DENND2C: variants seen among roughly 807,000 people sequenced by gnomAD.
DENND2C encodes the protein DENN domain-containing protein 2C.
Under a neutral mutation model 112.4 loss-of-function variants are expected in DENND2C, and 72 were observed. The ratio of observed to expected loss-of-function variants is 0.64; its 90% CI spans 0.53 to 0.78. The LOEUF (loss-of-function observed/expected upper bound fraction) is 0.78. DENND2C is among the 30% of genes least tolerant of loss of function. DENND2C has a pLI of 0.00. For missense variants in DENND2C, 992 were observed against 1,113.8 expected, an observed-to-expected ratio of 0.89 and a Z score of 1.56; for synonymous variants, 329 against 381.6, an observed-to-expected ratio of 0.86 and a Z score of 1.61.
chr1:114,628,686 T>TG (rs1160220810), intron 3 of DENND2C, among the ~76,000 whole-genome samples: 1 of 152,268 alleles, frequency 6.6e-6, no homozygotes, highest in African/African-American at 2.4e-5. Flanking sequence ...ATACAGGTTG[T>TG]GATTTTGTCC....
intron 8 of DENND2C, among the ~76,000 whole-genome samples, chr1:114,613,053 C>G (rs1050116127): frequency 1.3e-5 from 2 of 152,174 alleles, no homozygotes; most frequent in Non-Finnish European, 2.9e-5. Context: ...GTAAAAGATG[C>G]ATTTGCAGCA....
intron 3 of DENND2C, among the ~76,000 whole-genome samples, chr1:114,636,882 G>T (rs1249309348): frequency 6.6e-6 from 1 of 151,786 alleles, no homozygotes; most frequent in East Asian, 1.9e-4. Flanking sequence ...AGAATTAACT[G>T]TGCCTCTATA....
At chr1:114,601,192 GC>G (rs1483817939) in intron 13 of DENND2C, among the ~76,000 whole-genome samples, 1 of 152,152 alleles carries the variant, frequency 6.6e-6, no homozygotes, top group African/African-American at 2.4e-5. Context: ...TAAAGGAGAA[GC>G]CCCTTTTCAT....
chr1:114,611,009 A>C (rs547409143), intron 9 of DENND2C, 64 bp downstream of exon 9: 1 of 1,566,706 alleles, frequency 6.4e-7, no homozygotes, highest in Non-Finnish European at 8.8e-7. Flanking sequence ...TCACAAAGGT[A>C]GGTGCCACTC....
rs1001994103 is a variant in DENND2C at position 114,608,600 on chromosome 1, G to A, written c.1557+86C>T. On this transcript the variant is annotated intron_variant, in intron 10 of 20. Coordinates refer to ENST00000393274, the MANE Select transcript of DENND2C (RefSeq NM_001256404.2). ...AACAGTATTGGTAAAAACTTGTTGA[G>A]ATAACAAAAACCAAGAGGACAGGAA... is the stretch of plus-strand genomic sequence containing the variant. The A allele has an allele frequency of 3.4e-6, 5 of 1,455,570 alleles. No homozygotes were observed. The African/African-American group carries it at 5.7e-5, about 17-fold the overall frequency. 90.2% of individuals were successfully genotyped at this position (1,455,570 alleles called of 1,614,324 possible). A position where few individuals can be genotyped will look rare whatever the true frequency, so the allele number is the denominator to read the frequency against.
At chr1:114,633,306 G>A (rs537892702) in intron 3 of DENND2C, among the ~76,000 whole-genome samples, 4 of 151,894 alleles carry the variant, frequency 2.6e-5, no homozygotes, top group Non-Finnish European at 5.9e-5. Context: ...CTGGCCAGGC[G>A]TGGTGGTGCC....
At chr1:114,656,620 TCTC>T (rs1018029218) in intron 1 of DENND2C, among the ~76,000 whole-genome samples, 2 of 151,516 alleles carry the variant, frequency 1.3e-5, no homozygotes, top group African/African-American at 4.9e-5. Context: ...ATGGTCTCGA[TCTC>T]CTGACCTTGT....
Position 114,587,388 on chromosome 1 carries a change from A to G in DENND2C, c.2754T>C (p.Leu918=), listed in dbSNP as rs772851877. 1 of 1,614,144 alleles carries G rather than the reference A, an allele frequency of 6.2e-7. No individual in the cohort carries two copies. ...PSGMNRILRS[L]GSKMKFLQKK is the part of the protein sequence containing the mutation. ...TAACAGGAAAACACAGCAACTAACC[A>G]AGACTCCGCAAAATTCTATTCATCC... Residue 918 remains leucine (L), a splice_region_variant and synonymous_variant, in exon 20 of 21, where the codon CTT becomes CTC. Transcript: ENST00000393274.
intron 1 of DENND2C, among the ~76,000 whole-genome samples, chr1:114,656,893 A>G (rs536381758): frequency 6.6e-6 from 1 of 152,272 alleles, no homozygotes; most frequent in Admixed American, 6.5e-5. Flanking sequence ...CTGGGACTAC[A>G]GGTGCATGCC....
intron 1 of DENND2C, among the ~76,000 whole-genome samples, chr1:114,662,365 T>C (rs1425348207): frequency 6.6e-6 from 1 of 151,846 alleles, no homozygotes; most frequent in Non-Finnish European, 1.5e-5. Context: ...ACTCTCTCTC[T>C]CCCCCACCAA....
At chr1:114,595,008 C>G (rs1655303619) in intron 17 of DENND2C, among the ~76,000 whole-genome samples, 1 of 152,186 alleles carries the variant, frequency 6.6e-6, no homozygotes, top group African/African-American at 2.4e-5. Flanking sequence ...CTCTTCCTTT[C>G]CACTTCAATA....
chr1:114,615,217 A>G (rs1311308658), intron 8 of DENND2C, among the ~76,000 whole-genome samples: 1 of 152,230 alleles, frequency 6.6e-6, no homozygotes, highest in Non-Finnish European at 1.5e-5. Context: ...AATGCATCAG[A>G]AAGGATGCAG....
chr1:114,607,748 T>A (rs1655697365), intron 10 of DENND2C, among the ~76,000 whole-genome samples: 1 of 152,196 alleles, frequency 6.6e-6, no homozygotes, highest in African/African-American at 2.4e-5. Context: ...TTATTGTTAA[T>A]AATAATGGCT....
At chr1:114,614,477 G>C (rs1000370753) in intron 8 of DENND2C, among the ~76,000 whole-genome samples, 1 of 152,152 alleles carries the variant, frequency 6.6e-6, no homozygotes, top group African/African-American at 2.4e-5. Flanking sequence ...AAAGGTAAAT[G>C]CTTATTTTAT....
Position 114,625,598 on chromosome 1 carries a change from T to A in DENND2C, c.387A>T (p.Glu129Asp). The A allele has an allele frequency of 6.2e-7, 1 of 1,614,192 alleles. No individual in the cohort carries two copies. Among genetic ancestry groups the A allele is most frequent in the South Asian group, 1.1e-5 (1 of 91,084 alleles). ...ATGAAGTCTCTGGATCTAAGACATC[T>A]TCTTTACAGCTTTCAATTTCTTTGA... is the stretch of plus-strand genomic sequence containing the variant. Reference protein sequence around the residue: ...SRVKEIESCKEDVLDPETSLP... With the variant: ...SRVKEIESCKDDVLDPETSLP... The change falls in exon 4 of 21, where the codon GAA (glutamate) becomes GAT (aspartate). Residue 129 changes from glutamate to aspartate, a missense_variant. By Grantham distance (45) the Glu-to-Asp change is conservative. Coordinates refer to ENST00000393274, the MANE Select transcript of DENND2C (RefSeq NM_001256404.2).
chr1:114,586,837 C>A (rs1454390278), intron 20 of DENND2C: 1 of 151,890 alleles, frequency 6.6e-6, no homozygotes, highest in African/African-American at 2.4e-5. Flanking sequence ...AGCGATCCCC[C>A]TCGGGCCTCT....
chr1:114,626,020 A>G lies in DENND2C; in HGVS notation c.-36T>C. 1.3e-6 allele frequency: 2 copies of G among 1,542,900 alleles called. No individual in the cohort carries two copies. The highest frequency in any genetic ancestry group is 1.8e-6 in the Non-Finnish European group (2 of 1,135,302). ...GGGTGAATGACAAGTGATGAATCTT[A>G]CAAAGGTTCCATTACAAGTAAATGT... On this transcript the variant is annotated 5_prime_UTR_variant, in exon 4 of 21. An upstream open reading frame in the 5' UTR loses its in-frame stop. Transcript: ENST00000393274.
intron 18 of DENND2C, 134 bp from the exon 19 acceptor site, chr1:114,588,086 C>T (rs1362957749): frequency 1.3e-6 from 1 of 755,324 alleles, no homozygotes; most frequent in Non-Finnish European, 2.1e-6. Context: ...TAGGAGTGTT[C>T]ATTCTTCACT....
chr1:114,659,007 G>A (rs968501495), intron 1 of DENND2C, among the ~76,000 whole-genome samples: 3 of 152,066 alleles, frequency 2.0e-5, no homozygotes, highest in Non-Finnish European at 4.4e-5. Flanking sequence ...GTGATGCATC[G>A]CTTCTCAGTC....
Sources: allele counts gnomAD v4.1 joint callset (sites outside exome capture counted in the v4.1 genomes callset), GRCh38; gene constraint gnomAD v4.1.1; transcripts MANE v1.5; gene names NCBI Gene and HGNC (gene_info 2026-07-23, HGNC 2026-07-21).